Variants in MEIS3 observed in about 807,000 individuals in gnomAD.
MEIS3 encodes Meis homeobox 3, also known as homeobox protein Meis3.
A neutral mutation model predicts 51.4 loss-of-function variants in MEIS3; 38 were observed. That is an observed-to-expected ratio of 0.74 (90% CI 0.57 to 0.97). The LOEUF is 0.97. Ranked by LOEUF, MEIS3 falls within the 50% of genes least tolerant of loss-of-function variation. The probability of loss-of-function intolerance (pLI) is 0.00; values close to 1 mark genes in which losing one functional copy is unlikely to be tolerated. For missense variants in MEIS3, 456 were observed against 502.6 expected, an observed-to-expected ratio of 0.91 and a Z score of 0.89; for synonymous variants, 198 against 201.8, an observed-to-expected ratio of 0.98 and a Z score of 0.16.
In MEIS3 at chr19:47,419,280, C is replaced by T; in HGVS notation, c.-199G>A. The T allele has an allele frequency of 3.8e-6, 1 of 265,520 alleles. No individual in the cohort carries two copies. The highest frequency in any genetic ancestry group is 7.0e-6 in the Non-Finnish European group (1 of 143,266). 16.4% of individuals were successfully genotyped at this position (265,520 alleles called of 1,614,324 possible). Reference sequence around the variant, plus strand: ...GGGGACTCCGCGCATGGACCCCGGCCCCCGCCCCCAGCGGGGGTCACGGCC... The same window carrying T: ...GGGGACTCCGCGCATGGACCCCGGCTCCCGCCCCCAGCGGGGGTCACGGCC... On this transcript the variant is annotated 5_prime_UTR_variant, in exon 1 of 13. Coordinates refer to ENST00000558555, the MANE Select transcript of MEIS3 (RefSeq NM_001301059.2).
chr19:47,412,019 G>A (rs1440380847), intron 6 of MEIS3, among the ~76,000 whole-genome samples: 2 of 151,404 alleles, frequency 1.3e-5, no homozygotes, highest in African/African-American at 2.4e-5. Flanking sequence ...ATTTTTTGTC[G>A]AGATGGGATT....
chr19:47,409,601 C>T lies in MEIS3; in HGVS notation c.598-54G>A, dbSNP rs565491838. 2.0e-5 allele frequency: 26 copies of T among 1,293,932 alleles called. No homozygotes were observed. The South Asian group carries it at 2.3e-4, about 11-fold the overall frequency. 80.2% of individuals were successfully genotyped at this position (1,293,932 alleles called of 1,614,324 possible). On this transcript the variant is annotated intron_variant, in intron 6 of 12. Transcript: ENST00000558555. ...CAAGGCGGCCGGGCGCAGTGGCTCACGCCTGTAATCCCAGCACTTTGGGAG... is the reference window on the plus strand; with the variant it reads ...CAAGGCGGCCGGGCGCAGTGGCTCATGCCTGTAATCCCAGCACTTTGGGAG...
chr19:47,409,220 G>A lies in MEIS3; in HGVS notation c.737C>T (p.Ser246Phe). 6.2e-7 allele frequency: 1 copy of A among 1,613,234 alleles called. No homozygotes were observed. The highest frequency in any genetic ancestry group is 8.5e-7 in the Non-Finnish European group (1 of 1,179,900). The change falls in exon 8 of 13, where the codon TCT becomes TTT. Residue 246 changes from serine to phenylalanine, a missense_variant. Physicochemically the swap from Ser to Phe is radical, Grantham distance 155. Transcript: ENST00000558555. ...CTCATCTTCTCCACCAGAACTGGGA[G>A]AGGCCACGCTGGTGTCCAGCCCGTC... Reference protein sequence around the residue: ...QGDGLDTSVASPSSGGEDEDL... With the variant: ...QGDGLDTSVAFPSSGGEDEDL...
chr19:47,407,227 C>A (rs1232262350), intron 9 of MEIS3, 90 bp from the exon 10 acceptor site: 33 of 1,495,770 alleles, frequency 2.2e-5, no homozygotes, highest in Non-Finnish European at 2.8e-5. Context: ...AGGACAGCGG[C>A]GGGGGAGGCA....
Position 47,419,174 on chromosome 19 carries a change from G to T in MEIS3, c.-93C>A. The T allele has an allele frequency of 1.1e-6, 1 of 937,924 alleles. No individual in the cohort carries two copies. The highest frequency in any genetic ancestry group is 1.4e-6 in the Non-Finnish European group (1 of 721,602). The allele number at this position is 937,924 out of a possible 1,614,324, so 58.1% of individuals were successfully genotyped here. On this transcript the variant is annotated 5_prime_UTR_variant, in exon 1 of 13. Transcript: ENST00000558555. ...GCCGCAGCCCCTGACGGCCCGCGGT[G>T]TTGACGCCAGGGGGTGGGCAGGAGG...
intron 4 of MEIS3, 41 bp downstream of exon 4, chr19:47,416,611 C>A: frequency 6.8e-7 from 1 of 1,459,902 alleles, no homozygotes. Context: ...GGGAAGGAGA[C>A]CCATTGGAGG....
chr19:47,407,552 C>T (rs370104834), intron 8 of MEIS3, 124 bp from the exon 9 acceptor site: 3 of 1,566,308 alleles, frequency 1.9e-6, no homozygotes, highest in African/African-American at 1.4e-5. Flanking sequence ...GGAGAACCGG[C>T]GCTTCTGAGC....
In MEIS3 at chr19:47,409,105, G is replaced by A. The variant is rs1970990223; in HGVS notation, c.852C>T (p.His284=). The A allele has an allele frequency of 8.7e-6, 14 of 1,610,000 alleles. No individual in the cohort carries two copies. The highest frequency in any genetic ancestry group is 1.2e-5 in the Non-Finnish European group (14 of 1,179,974). The change falls in exon 8 of 13, where the codon CAC becomes CAT. Residue 284 remains histidine (H), a synonymous_variant. Transcript: ENST00000558555. ...TNIMRAWLFQ[H]LSHPYPSEEQ... ...TGGGCAGCAGGGCTCTCACCGAGAG[G>A]TGCTGGAACAACCAGGCTCGCATGA...
chr19:47,417,091 C>A, intron 2 of MEIS3, 87 bp downstream of exon 2: 1 of 1,536,186 alleles, frequency 6.5e-7, no homozygotes, highest in East Asian at 2.3e-5. Flanking sequence ...GACTCGTACA[C>A]AGAGAGAGAC....
Position 47,417,369 on chromosome 19 carries a change from A to G in MEIS3, c.13-19T>C. 1 of 1,612,944 alleles carries G rather than the reference A, an allele frequency of 6.2e-7. No individual in the cohort carries two copies. Among genetic ancestry groups the G allele is most frequent in the Non-Finnish European group, 8.5e-7 (1 of 1,179,588 alleles). On this transcript the variant is annotated intron_variant, in intron 1 of 12. Coordinates refer to ENST00000558555, the MANE Select transcript of MEIS3 (RefSeq NM_001301059.2). ...CATCATACTGGGGGAAGGTGAGAAG[A>G]GAAGGGCGGAGCCCCAGGGAGGGGT...
chr19:47,416,879 C>A lies in MEIS3; in HGVS notation c.270G>T (p.Gly90=). The A allele has an allele frequency of 6.2e-7, 1 of 1,613,920 alleles. No homozygotes were observed. The highest frequency in any genetic ancestry group is 1.1e-5 in the South Asian group (1 of 91,044). ...CGTCACCTCCAGGGGGTGTCCCCAGCCCAGCTCCGGCCCCGTCACGGGGAG... is the reference window on the plus strand; with the variant it reads ...CGTCACCTCCAGGGGGTGTCCCCAGACCAGCTCCGGCCCCGTCACGGGGAG... ...TCSPRDGAGA[G]LGTPPGGDVC... is the part of the protein sequence containing the mutation. Residue 90 remains glycine, a synonymous_variant, in exon 3 of 13, where the codon GGG becomes GGT. Coordinates refer to ENST00000558555, the MANE Select transcript of MEIS3 (RefSeq NM_001301059.2).
At chr19:47,407,176 G>A in intron 9 of MEIS3, 39 bp from the exon 10 acceptor site, 1 of 1,590,852 alleles carries the variant, frequency 6.3e-7, no homozygotes, top group Non-Finnish European at 8.6e-7. Context: ...AATGAAAAGA[G>A]GGAGTGGGAG....
upstream of MEIS3, among the ~76,000 whole-genome samples, chr19:47,420,300 G>A (rs979455163): frequency 6.6e-6 from 1 of 152,180 alleles, no homozygotes; most frequent in African/African-American, 2.4e-5. Context: ...GGGATGCAAG[G>A]GTTAGGAGTC....
intron 8 of MEIS3, 134 bp from the exon 9 acceptor site, chr19:47,407,562 C>A (rs377098127): frequency 2.6e-6 from 4 of 1,546,670 alleles, no homozygotes; most frequent in African/African-American, 1.4e-5. Flanking sequence ...CGCTTCTGAG[C>A]GTCTCTGCGC....
intron 6 of MEIS3, among the ~76,000 whole-genome samples, chr19:47,411,118 G>T (rs1971111757): frequency 6.6e-6 from 1 of 152,026 alleles, no homozygotes; most frequent in South Asian, 2.1e-4. Context: ...TGTATTTTTA[G>T]TAGAGACGGC....
upstream of MEIS3, among the ~76,000 whole-genome samples, chr19:47,421,094 TCGGCTCTTCGAGGG>T (rs977165450): frequency 7.9e-5 from 12 of 151,906 alleles, no homozygotes; most frequent in African/African-American, 2.9e-4. Context: ...CGGCTGCCTG[TCGGCTCTTCGAGGG>T]TGTGCTTGGG....
intron 2 of MEIS3, 85 bp downstream of exon 2, chr19:47,417,091 CAG>C (rs1240951724): frequency 2.0e-6 from 3 of 1,536,066 alleles, no homozygotes; most frequent in African/African-American, 1.4e-5. Context: ...GACTCGTACA[CAG>C]AGAGAGACAG....
In MEIS3 at chr19:47,406,934, G is replaced by T; in HGVS notation, c.1032C>A (p.Ile344=). ...GAAFSPEGQP[I]GGYTETQPHV... is the part of the protein sequence containing the mutation. ...GTGGCTGCGTCTCGGTATAGCCCCC[G>T]ATGGGCTGGCCCTCTGGGCTGAAGG... The change falls in exon 11 of 13, where the codon ATC becomes ATA. Residue 344 remains isoleucine, a synonymous_variant. Transcript: ENST00000558555. 6.3e-7 allele frequency: 1 copy of T among 1,579,256 alleles called. No homozygotes were observed.
At chr19:47,422,102 G>C (rs1214440750), upstream of MEIS3, among the ~76,000 whole-genome samples, 2 of 150,768 alleles carry the variant, frequency 1.3e-5, no homozygotes, top group African/African-American at 4.9e-5. Context: ...TCCATCACCC[G>C]AGCCCAGACT....
Sources: gnomAD v4.1 joint callset for allele counts (sites outside exome capture counted in the v4.1 genomes callset) on GRCh38, gnomAD v4.1.1 for gene constraint, MANE v1.5 for transcripts, NCBI Gene and HGNC (gene_info 2026-07-23, HGNC 2026-07-21) for gene names.